SNX29: variants seen among roughly 807,000 people sequenced by gnomAD.
The protein encoded by SNX29 is sorting nexin-29.
Under a neutral mutation model 102.1 loss-of-function variants are expected in SNX29, and 78 were observed. The ratio of observed to expected loss-of-function variants is 0.76; its 90% CI spans 0.64 to 0.92. The LOEUF (loss-of-function observed/expected upper bound fraction) is 0.92. Ranked by LOEUF, SNX29 falls within the 40% of genes least tolerant of loss-of-function variation. The probability of loss-of-function intolerance (pLI) is 0.00; values close to 1 mark genes in which losing one functional copy is unlikely to be tolerated. For missense variants in SNX29, 1,280 were observed against 1,061.7 expected, an observed-to-expected ratio of 1.21 and a Z score of -2.86; for synonymous variants, 580 against 414.5, an observed-to-expected ratio of 1.40 and a Z score of -4.85.
At chr16:12,131,696 T>G (rs534565513) in intron 13 of SNX29, among the ~76,000 whole-genome samples, 1 of 152,338 alleles carries the variant, frequency 6.6e-6, no homozygotes, top group Admixed American at 6.5e-5. Context: ...GACCACGAGA[T>G]AAACACGTCT....
chr16:12,212,762 C>G (rs1000241397), intron 14 of SNX29, among the ~76,000 whole-genome samples: 1 of 152,092 alleles, frequency 6.6e-6, no homozygotes, highest in African/African-American at 2.4e-5. Flanking sequence ...GTGTACTTTG[C>G]AAATACTTTC....
intron 18 of SNX29, among the ~76,000 whole-genome samples, chr16:12,456,323 A>T (rs2086535294): frequency 6.6e-6 from 1 of 152,234 alleles, no homozygotes; most frequent in Non-Finnish European, 1.5e-5. Flanking sequence ...TGCCATTTCA[A>T]ATGATTCATC....
intron 18 of SNX29, among the ~76,000 whole-genome samples, chr16:12,436,758 A>G (rs11647127): frequency 0.44 from 66,480 of 152,170 alleles, 14,994 homozygotes; most frequent in South Asian, 0.61. Context: ...GGTTCAAGCA[A>G]TTGTACTGCC....
At chr16:12,541,675 C>A (rs911520012) in intron 20 of SNX29, among the ~76,000 whole-genome samples, 1 of 152,148 alleles carries the variant, frequency 6.6e-6, no homozygotes, top group Non-Finnish European at 1.5e-5. Context: ...GTGCTGACAC[C>A]CGTTTACCAC....
chr16:12,141,147 A>G (rs2054853782), intron 13 of SNX29, among the ~76,000 whole-genome samples: 1 of 152,222 alleles, frequency 6.6e-6, no homozygotes, highest in African/African-American at 2.4e-5. Context: ...AAGAGCAGAG[A>G]GTGGGTGAAC....
At chr16:12,162,991 C>G (rs830699) in intron 13 of SNX29, among the ~76,000 whole-genome samples, 3 of 152,160 alleles carry the variant, frequency 2.0e-5, no homozygotes. Flanking sequence ...AAGTGATTCT[C>G]TCACCTCAGC....
intron 19 of SNX29, among the ~76,000 whole-genome samples, chr16:12,511,946 G>A (rs1365166468): frequency 2.0e-5 from 3 of 152,206 alleles, no homozygotes; most frequent in South Asian, 2.1e-4. Flanking sequence ...CCGCATAGAA[G>A]CGACTCGGTT....
intron 16 of SNX29, among the ~76,000 whole-genome samples, chr16:12,379,409 C>A (rs1428068083): frequency 1.3e-5 from 2 of 152,200 alleles, no homozygotes; most frequent in Admixed American, 1.3e-4. Context: ...AGGCGTGAGC[C>A]ACTATTCCCA....
At chr16:12,374,729 G>A (rs190591554) in intron 16 of SNX29, 13 of 152,272 alleles carry the variant, frequency 8.5e-5, no homozygotes, top group African/African-American at 3.1e-4. Flanking sequence ...AGAAAGTCCA[G>A]ACGCCTTGAG....
At position 12,202,718 on chromosome 16, in the gene SNX29, G is replaced by A. The variant is rs143708921; in HGVS notation, c.1678+3035G>A. Among the ~76,000 whole-genome samples, 3 of 152,202 alleles carry A rather than the reference G, an allele frequency of 2.0e-5. No homozygotes were observed. In the South Asian group the frequency reaches 6.2e-4, roughly 32 times the overall value. On this transcript the variant is annotated intron_variant, in intron 14 of 20. Coordinates refer to ENST00000566228, the MANE Select transcript of SNX29 (RefSeq NM_032167.5). ...ATCCTCCTCCTCTCCTTTCACTTAC[G>A]AGAGCAGGAGATCCCTCTGAAAACT...
intron 19 of SNX29, among the ~76,000 whole-genome samples, chr16:12,508,122 T>C (rs2089457918): frequency 6.6e-6 from 1 of 152,074 alleles, no homozygotes; most frequent in Admixed American, 6.5e-5. Context: ...TTGGGAAGAG[T>C]GTTTTTGAAG....
At chr16:12,218,322 C>G (rs1169129436) in intron 14 of SNX29, among the ~76,000 whole-genome samples, 1 of 150,734 alleles carries the variant, frequency 6.6e-6, no homozygotes, top group Non-Finnish European at 1.5e-5. Context: ...CACAAATCTA[C>G]TCCACAAACA....
At chr16:12,511,553 T>C (rs1204170909) in intron 19 of SNX29, among the ~76,000 whole-genome samples, 2 of 152,206 alleles carry the variant, frequency 1.3e-5, no homozygotes, top group African/African-American at 4.8e-5. Flanking sequence ...GAGCCCTTGT[T>C]CCTTTCCTGA....
At chr16:12,234,274 C>T (rs767432369) in intron 14 of SNX29, among the ~76,000 whole-genome samples, 5 of 152,112 alleles carry the variant, frequency 3.3e-5, no homozygotes, top group Non-Finnish European at 7.4e-5. Flanking sequence ...GTTTGCAAAT[C>T]AGTGGTTTCA....
chr16:12,450,390 C>A (rs1381087118), intron 18 of SNX29, among the ~76,000 whole-genome samples: 1 of 152,166 alleles, frequency 6.6e-6, no homozygotes, highest in Non-Finnish European at 1.5e-5. Flanking sequence ...CAGGAGTCAA[C>A]TGTGGAAGCT....
intron 20 of SNX29, among the ~76,000 whole-genome samples, chr16:12,566,554 G>GGTAT (rs1010531000): frequency 6.6e-6 from 1 of 152,138 alleles, no homozygotes; most frequent in Non-Finnish European, 1.5e-5. Context: ...GGGTTGTGAG[G>GGTAT]GCATGGCTTT....
chr16:12,183,522 T>A (rs569451653), intron 13 of SNX29, among the ~76,000 whole-genome samples: 38 of 152,310 alleles, frequency 2.5e-4, no homozygotes, highest in African/African-American at 8.2e-4. Flanking sequence ...AAATATACTT[T>A]TCCTAAGCAA....
intron 18 of SNX29, among the ~76,000 whole-genome samples, chr16:12,475,892 C>T (rs898664030): frequency 2.6e-4 from 40 of 152,188 alleles, no homozygotes; most frequent in Non-Finnish European, 5.9e-5. Context: ...GCCCATGGGC[C>T]ATAGTTTGCC....
intron 11 of SNX29, among the ~76,000 whole-genome samples, chr16:12,116,894 G>A (rs1010283731): frequency 2.0e-5 from 3 of 152,170 alleles, no homozygotes; most frequent in Non-Finnish European, 4.4e-5. Context: ...CAACGCGGAC[G>A]AACCGTGGAA....
Sources: allele counts gnomAD v4.1 joint callset (sites outside exome capture counted in the v4.1 genomes callset), GRCh38; gene constraint gnomAD v4.1.1; transcripts MANE v1.5; gene names NCBI Gene and HGNC (gene_info 2026-07-23, HGNC 2026-07-21).